REPIN1: variants seen among roughly 807,000 people sequenced by gnomAD.
The protein encoded by REPIN1 is DNA-binding protein REPIN1.
A neutral mutation model predicts 5.7 loss-of-function variants in REPIN1; 4 were observed. The ratio of observed to expected loss-of-function variants is 0.71; its 90% CI spans 0.35 to 1.62. The LOEUF is 1.62. Among genes scored for constraint, REPIN1 ranks in the 40% most tolerant of loss-of-function variants. REPIN1 has a pLI of 0.05. For missense variants in REPIN1, 854 were observed against 901.0 expected (o/e 0.95, Z 0.67); for synonymous variants, 410 against 386.2 (o/e 1.06, Z -0.72).
chr7:150,372,048 C>T lies in REPIN1; in HGVS notation c.978C>T (p.Cys326=). Residue 326 remains cysteine (C), a synonymous_variant, in exon 3 of 3, where the codon TGC becomes TGT. Coordinates refer to ENST00000489432, the MANE Select transcript of REPIN1 (RefSeq NM_001099695.2). The stretch of plus-strand genomic sequence containing the variant: ...AGCGGCCCCACCAGTGCCCCGAGTG[C>T]GGGAAGCGCTTTACCAATAAGCCCT... ...TGERPHQCPE[C]GKRFTNKPYL... The T allele has an allele frequency of 6.2e-7, 1 of 1,612,316 alleles. No individual in the cohort carries two copies. Among genetic ancestry groups the T allele is most frequent in the Non-Finnish European group, 8.5e-7 (1 of 1,179,706 alleles).
In REPIN1 at chr7:150,372,034, C is replaced by G. The variant is rs1413392904; in HGVS notation, c.964C>G (p.Gln322Glu). The change falls in exon 3 of 3, where the codon CAG becomes GAG. Residue 322 changes from glutamine to glutamate, a missense_variant. Coordinates refer to ENST00000489432, the MANE Select transcript of REPIN1 (RefSeq NM_001099695.2). ...CGTGCACACGGGCGAGCGGCCCCAC[C>G]AGTGCCCCGAGTGCGGGAAGCGCTT... ...RRVHTGERPH[Q>E]CPECGKRFTN... 3 of 1,611,920 alleles carry G rather than the reference C, an allele frequency of 1.9e-6. No homozygotes were observed. The highest frequency in any genetic ancestry group is 2.5e-6 in the Non-Finnish European group (3 of 1,179,552).
Position 150,373,556 on chromosome 7 carries a change from TCC to T in REPIN1, c.*612_*613del. 5.9e-6 allele frequency: 1 copy of T among 169,174 alleles called. No homozygotes were observed. The highest frequency in any genetic ancestry group is 6.4e-5 in the Admixed American group (1 of 15,686). 10.5% of individuals were successfully genotyped at this position (169,174 alleles called of 1,614,324 possible). A position where few individuals can be genotyped will look rare whatever the true frequency, so the allele number is the denominator to read the frequency against. ...TCTGCTGTTAATACTTCCATCCTCT[TCC>T]TTCCCAAAGAGCAGATCCCAAGGCA... On this transcript the variant is annotated 3_prime_UTR_variant, in exon 3 of 3. Transcript: ENST00000489432.
intron 2 of REPIN1, 77 bp from the exon 3 acceptor site, chr7:150,371,151 C>G (rs983048092): frequency 2.1e-6 from 3 of 1,454,804 alleles, no homozygotes; most frequent in Non-Finnish European, 2.7e-6. Flanking sequence ...AGCTCCTGTC[C>G]GGGGCTGAGG....
intron 1 of REPIN1, chr7:150,369,251 C>T (rs1393822893): frequency 2.6e-6 from 1 of 383,836 alleles, no homozygotes; most frequent in Non-Finnish European, 4.7e-6. Flanking sequence ...GAAGGGGATT[C>T]TGACGGAGTC....
chr7:150,369,448 G>A, intron 1 of REPIN1: 1 of 524,042 alleles, frequency 1.9e-6, no homozygotes, highest in South Asian at 2.1e-5. Flanking sequence ...CCTTACCAGG[G>A]AAGAAAGTGA....
At position 150,372,704 on chromosome 7, in the gene REPIN1, T is replaced by C. The variant is rs1402963570; in HGVS notation, c.1634T>C (p.Val545Ala). The C allele has an allele frequency of 1.1e-5, 18 of 1,611,358 alleles. No homozygotes were observed. Among genetic ancestry groups the C allele is most frequent in the Admixed American group, 1.7e-5 (1 of 59,916 alleles). ...RRIHTGEKPY[V>A]CPDCGKAFSQ... The stretch of plus-strand genomic sequence containing the variant: ...ATCCACACCGGCGAGAAGCCCTACG[T>C]CTGCCCCGACTGCGGCAAAGCCTTC... The change falls in exon 3 of 3, where the codon GTC becomes GCC. Residue 545 changes from valine (V) to alanine (A), a missense_variant. Transcript: ENST00000489432.
At chr7:150,370,849 A>AT (rs1250472652) in intron 2 of REPIN1, 1 of 701,712 alleles carries the variant, frequency 1.4e-6, no homozygotes, top group Admixed American at 2.0e-5. Context: ...AGAGGGCAGC[A>AT]TAAGGCACTG....
Position 150,371,753 on chromosome 7 carries a change from C to G in REPIN1, c.683C>G (p.Ala228Gly), listed in dbSNP as rs1446133375. Residue 228 changes from alanine (A) to glycine (G), a missense_variant, in exon 3 of 3, where the codon GCC becomes GGC. Physicochemically the swap from Ala to Gly is moderately conservative, Grantham distance 60. Transcript: ENST00000489432. The part of the protein sequence containing the change: ...RAHLRRCHPP[A>G]PEARPFICGN... ...CATCTGCGGCGGTGCCACCCTCCCG[C>G]CCCGGAGGCCCGGCCCTTCATATGC... 1.2e-6 allele frequency: 2 copies of G among 1,610,694 alleles called. No homozygotes were observed. The highest frequency in any genetic ancestry group is 4.5e-5 in the East Asian group (2 of 44,868).
rs754619019 is a variant in REPIN1, at chr7:150,372,356, C to A, written c.1286C>A (p.Pro429His). ...EHPQDPIEAPPSLYSCDDCGR... is the reference protein window; with the variant it reads ...EHPQDPIEAPHSLYSCDDCGR... Reference sequence around the variant, plus strand: ...CCGCAGGACCCGATCGAAGCCCCCCCCTCCCTCTACAGCTGCGACGACTGC... The same window carrying A: ...CCGCAGGACCCGATCGAAGCCCCCCACTCCCTCTACAGCTGCGACGACTGC... Residue 429 changes from proline (P) to histidine (H), a missense_variant, in exon 3 of 3, where the codon CCC (proline) becomes CAC (histidine). Around this residue, in one of 5 missense-constraint regions of REPIN1, gnomAD observed 327 missense variants for 307.8 expected, o/e 1.06. Transcript: ENST00000489432. 3.7e-5 allele frequency: 55 copies of A among 1,504,662 alleles called. 1 individual carries two copies. In the East Asian group the frequency reaches 4.8e-4, roughly 13 times the overall value. 93.2% of individuals were successfully genotyped at this position (1,504,662 alleles called of 1,614,324 possible). A position where few individuals can be genotyped will look rare whatever the true frequency, so the allele number is the denominator to read the frequency against.
At position 150,372,009 on chromosome 7, in the gene REPIN1, C is replaced by G. The variant is rs745573419; in HGVS notation, c.939C>G (p.Arg313=). Residue 313 remains arginine (R), a synonymous_variant, in exon 3 of 3, where the codon CGC becomes CGG. Transcript: ENST00000489432. ...AGCCCAACTTGATCGCTCACCGCCG[C>G]GTGCACACGGGCGAGCGGCCCCACC... The part of the protein sequence containing the change: ...RHKPNLIAHR[R]VHTGERPHQC... The G allele has an allele frequency of 3.1e-6, 5 of 1,611,940 alleles. No individual in the cohort carries two copies. Among genetic ancestry groups the G allele is most frequent in the Non-Finnish European group, 4.2e-6 (5 of 1,179,696 alleles).
In REPIN1 at chr7:150,372,356, C is replaced by T. The variant is rs754619019; in HGVS notation, c.1286C>T (p.Pro429Leu). Residue 429 changes from proline (P) to leucine (L), a missense_variant, in exon 3 of 3, where the codon CCC (proline) becomes CTC (leucine). Coordinates refer to ENST00000489432, the MANE Select transcript of REPIN1 (RefSeq NM_001099695.2). The stretch of plus-strand genomic sequence containing the variant: ...CCGCAGGACCCGATCGAAGCCCCCC[C>T]CTCCCTCTACAGCTGCGACGACTGC... Reference protein sequence around the residue: ...EHPQDPIEAPPSLYSCDDCGR... With the variant: ...EHPQDPIEAPLSLYSCDDCGR... 6.0e-6 allele frequency: 9 copies of T among 1,504,660 alleles called. No individual in the cohort carries two copies. The highest frequency in any genetic ancestry group is 3.8e-5 in the South Asian group (3 of 79,726). 93.2% of individuals were successfully genotyped at this position (1,504,660 alleles called of 1,614,324 possible).
Position 150,369,867 on chromosome 7 carries a change from G to T in REPIN1, c.156G>T (p.Gln52His), listed in dbSNP as rs767443183. Residue 52 changes from glutamine to histidine, a missense_variant and splice_region_variant, in exon 2 of 3, where the codon CAG (glutamine) becomes CAT (histidine). Coordinates refer to ENST00000489432, the MANE Select transcript of REPIN1 (RefSeq NM_001099695.2). ...CTCATCCCCAGCTCTGCAGTCTCCA[G>T]GGTAGAGTCTGGCCTTTGCTGTGCT... ...KKPHPQLCSL[Q>H]AEEEPMLERR... The T allele has an allele frequency of 6.3e-7, 1 of 1,595,904 alleles. No individual in the cohort carries two copies. The highest frequency in any genetic ancestry group is 1.7e-5 in the Admixed American group (1 of 58,952).
In REPIN1 at chr7:150,372,387, G is replaced by T. The variant is rs915372461; in HGVS notation, c.1317G>T (p.Arg439Ser). The change falls in exon 3 of 3, where the codon AGG becomes AGT. Residue 439 changes from arginine to serine, a missense_variant. Coordinates refer to ENST00000489432, the MANE Select transcript of REPIN1 (RefSeq NM_001099695.2). ...PSLYSCDDCGRSFRLERFLRA... is the reference protein window; with the variant it reads ...PSLYSCDDCGSSFRLERFLRA... ...TCTACAGCTGCGACGACTGCGGCAG[G>T]AGCTTCCGGCTGGAGCGCTTCCTGC... is the stretch of plus-strand genomic sequence containing the variant. The T allele has an allele frequency of 1.3e-6, 2 of 1,488,764 alleles. No individual in the cohort carries two copies. The highest frequency in any genetic ancestry group is 1.8e-6 in the Non-Finnish European group (2 of 1,126,188). 92.2% of individuals were successfully genotyped at this position (1,488,764 alleles called of 1,614,324 possible). A position where few individuals can be genotyped will look rare whatever the true frequency, so the allele number is the denominator to read the frequency against.
At chr7:150,368,518 C>G (rs1799061555), upstream of REPIN1, among the ~76,000 whole-genome samples, 1 of 152,132 alleles carries the variant, frequency 6.6e-6, no homozygotes, top group African/African-American at 2.4e-5. Context: ...CACGCGGTCG[C>G]CCGGGGACGC....
Position 150,369,798 on chromosome 7 carries a change from C to G in REPIN1, c.87C>G (p.Arg29=), listed in dbSNP as rs1232893575. 1 of 1,613,828 alleles carries G rather than the reference C, an allele frequency of 6.2e-7. No individual in the cohort carries two copies. Among genetic ancestry groups the G allele is most frequent in the Non-Finnish European group, 8.5e-7 (1 of 1,179,748 alleles). Reference sequence around the variant, plus strand: ...TGGGCCGAAGCAGGCGCTGCAGCCGCGGAAGTATCCCCAGGAACATCCCCA... The same window carrying G: ...TGGGCCGAAGCAGGCGCTGCAGCCGGGGAAGTATCCCCAGGAACATCCCCA... ...RSVGRSRRCS[R]GSIPRNIPKR... Residue 29 remains arginine (R), a synonymous_variant, in exon 2 of 3, where the codon CGC becomes CGG. Transcript: ENST00000489432.
chr7:150,370,564 T>A, intron 2 of REPIN1: 1 of 585,120 alleles, frequency 1.7e-6, no homozygotes, highest in East Asian at 2.9e-5. Context: ...GCCTCCCCTG[T>A]GGGGCTAGGA....
rs1799360006 is a variant in REPIN1 at position 150,369,807 on chromosome 7, C to T, written c.96C>T (p.Ile32=). The part of the protein sequence containing the change: ...GRSRRCSRGS[I]PRNIPKRSWK... ...GCAGGCGCTGCAGCCGCGGAAGTAT[C>T]CCCAGGAACATCCCCAAGAGGAGCT... The change falls in exon 2 of 3, where the codon ATC becomes ATT. Residue 32 remains isoleucine (I), a synonymous_variant. Coordinates refer to ENST00000489432, the MANE Select transcript of REPIN1 (RefSeq NM_001099695.2). The T allele has an allele frequency of 6.2e-7, 1 of 1,613,644 alleles. No individual in the cohort carries two copies. The highest frequency in any genetic ancestry group is 1.1e-5 in the South Asian group (1 of 91,082).
At position 150,371,718 on chromosome 7, in the gene REPIN1, G is replaced by A. The variant is rs775705893; in HGVS notation, c.648G>A (p.Gln216=). ...AGAGACGCTTCTGGCGACGAAAGCAGCTTCGAGCTCATCTGCGGCGGTGCC... is the reference window on the plus strand; with the variant it reads ...AGAGACGCTTCTGGCGACGAAAGCAACTTCGAGCTCATCTGCGGCGGTGCC... ...KCERRFWRRK[Q]LRAHLRRCHP... is the part of the protein sequence containing the mutation. The change falls in exon 3 of 3, where the codon CAG becomes CAA. Residue 216 remains glutamine (Q), a synonymous_variant. Transcript: ENST00000489432. The A allele has an allele frequency of 6.2e-7, 1 of 1,608,290 alleles. No homozygotes were observed. Among genetic ancestry groups the A allele is most frequent in the South Asian group, 1.1e-5 (1 of 91,064 alleles).
Position 150,368,952 on chromosome 7 carries a change from G to T in REPIN1, c.-42+11G>T. The T allele has an allele frequency of 2.7e-6, 1 of 376,978 alleles. No individual in the cohort carries two copies. The highest frequency in any genetic ancestry group is 4.7e-6 in the Non-Finnish European group (1 of 212,432). The allele number at this position is 376,978 out of a possible 1,614,324, so 23.4% of individuals were successfully genotyped here. A position where few individuals can be genotyped will look rare whatever the true frequency, so the allele number is the denominator to read the frequency against. ...CAGCCCGCCGCAGAGGTACGGCCGG[G>T]GCAGGGGCGCGGGGCCACCGCGGGC... On this transcript the variant is annotated intron_variant, in intron 1 of 2. Coordinates refer to ENST00000489432, the MANE Select transcript of REPIN1 (RefSeq NM_001099695.2).
Sources: gnomAD v4.1 joint callset for allele counts (sites outside exome capture counted in the v4.1 genomes callset) on GRCh38, gnomAD v4.1.1 for gene constraint, gnomAD v4.1.1 regional missense constraint, MANE v1.5 for transcripts, NCBI Gene and HGNC (gene_info 2026-07-23, HGNC 2026-07-21) for gene names.